Variants in ARID1B observed in about 807,000 individuals in gnomAD.
ARID1B encodes the protein AT-rich interaction domain 1B, also known as AT-rich interactive domain-containing protein 1B.
In ARID1B, 30 loss-of-function variants were observed where a neutral mutation model predicts 212.3. That is an observed-to-expected ratio of 0.14 (90% confidence interval 0.11 to 0.19). The LOEUF (loss-of-function observed/expected upper bound fraction) is 0.19. Ranked by LOEUF, ARID1B falls within the 10% of genes least tolerant of loss-of-function variation. The probability of loss-of-function intolerance (pLI) is 1.00; values close to 1 mark genes in which losing one functional copy is unlikely to be tolerated. For missense variants in ARID1B, 2,891 were observed against 3,204.0 expected (o/e 0.90, Z 2.36); for synonymous variants, 1,402 against 1,301.7 (o/e 1.08, Z -1.66).
intron 4 of ARID1B, among the ~76,000 whole-genome samples, chr6:156,985,962 T>G (rs774062339): frequency 3.5e-4 from 53 of 152,356 alleles, no homozygotes; most frequent in Non-Finnish European, 6.6e-4. Context: ...AGATGTAATG[T>G]CCTGTTGCAC....
At chr6:157,113,222 T>C (rs905129538) in intron 6 of ARID1B, among the ~76,000 whole-genome samples, 2 of 152,146 alleles carry the variant, frequency 1.3e-5, no homozygotes, top group Non-Finnish European at 2.9e-5. Context: ...CACCCGGCCA[T>C]GACCATTTCT....
intron 2 of ARID1B, among the ~76,000 whole-genome samples, chr6:156,834,420 T>C (rs568361069): frequency 6.6e-6 from 1 of 152,298 alleles, no homozygotes; most frequent in South Asian, 2.1e-4. Flanking sequence ...CTATATTTAC[T>C]TAAAGATGCC....
intron 16 of ARID1B, 165 bp from the exon 17 acceptor site, chr6:157,198,646 C>G (rs1793901673): frequency 3.5e-6 from 2 of 573,974 alleles, no homozygotes; most frequent in African/African-American, 3.7e-5. Flanking sequence ...CTGGTGCTAA[C>G]AGTTGGCGTG....
chr6:157,198,552 C>T, intron 16 of ARID1B: 2 of 465,944 alleles, frequency 4.3e-6, no homozygotes, highest in Non-Finnish European at 7.8e-6. Context: ...TGCCTGCCTG[C>T]TCAACCGGTA....
chr6:156,846,541 C>T (rs538792733), intron 2 of ARID1B, among the ~76,000 whole-genome samples: 4 of 152,090 alleles, frequency 2.6e-5, no homozygotes, highest in South Asian at 4.2e-4. Context: ...CCGATCGGCA[C>T]GTTGTGTGTG....
At chr6:157,192,014 C>T (rs943222555) in intron 15 of ARID1B, among the ~76,000 whole-genome samples, 2 of 152,156 alleles carry the variant, frequency 1.3e-5, no homozygotes, top group Non-Finnish European at 2.9e-5. Context: ...ATTTCATGTA[C>T]AACATTTCAG....
Position 157,074,337 on chromosome 6 carries a change from G to A in ARID1B, c.2248-10325G>A, listed in dbSNP as rs138616219. Among the ~76,000 whole-genome samples the A allele has an allele frequency of 8.9e-3, 1,360 of 152,098 alleles. 9 individuals carry two copies. Among genetic ancestry groups the A allele is most frequent in the Non-Finnish European group, 0.015 (1,011 of 67,960 alleles). ...AGCCTCCGGGGTTCAAGCAATTCTCGTGCCTCAGCCTCCTGAGTAGCTGGG... is the reference window on the plus strand; with the variant it reads ...AGCCTCCGGGGTTCAAGCAATTCTCATGCCTCAGCCTCCTGAGTAGCTGGG... On this transcript the variant is annotated intron_variant, in intron 4 of 19. Coordinates refer to ENST00000636930, the MANE Select transcript of ARID1B (RefSeq NM_001374828.1).
At chr6:156,914,770 C>T (rs1790211268) in intron 3 of ARID1B, among the ~76,000 whole-genome samples, 1 of 152,200 alleles carries the variant, frequency 6.6e-6, no homozygotes, top group South Asian at 2.1e-4. Context: ...GGGCCTCTGG[C>T]CACCCAGCCC....
chr6:157,122,255 C>T (rs543156678), intron 6 of ARID1B, among the ~76,000 whole-genome samples: 13 of 152,234 alleles, frequency 8.5e-5, no homozygotes, highest in East Asian at 3.9e-4. Flanking sequence ...CCTAGACTTA[C>T]GCGAACACTG....
intron 2 of ARID1B, among the ~76,000 whole-genome samples, chr6:156,872,845 A>G (rs1786253691): frequency 6.6e-6 from 1 of 151,972 alleles, no homozygotes; most frequent in African/African-American, 2.4e-5. Context: ...TCATCCTTCC[A>G]CATAGGTTGT....
intron 15 of ARID1B, 27 bp from the exon 16 acceptor site, chr6:157,196,136 ATG>A: frequency 6.2e-7 from 1 of 1,609,802 alleles, no homozygotes; most frequent in East Asian, 2.2e-5. Context: ...AAATGCCTAA[ATG>A]TATGCATTTT....
At chr6:156,984,405 C>T (rs777920267) in intron 4 of ARID1B, among the ~76,000 whole-genome samples, 1 of 152,050 alleles carries the variant, frequency 6.6e-6, no homozygotes, top group Non-Finnish European at 1.5e-5. Flanking sequence ...TTTTAAGGTA[C>T]CAGAATACTG....
At chr6:156,962,255 C>T (rs544939016) in intron 4 of ARID1B, among the ~76,000 whole-genome samples, 7 of 152,140 alleles carry the variant, frequency 4.6e-5, no homozygotes, top group South Asian at 4.1e-4. Flanking sequence ...GCTGAGATCA[C>T]GCCACTGCAC....
At chr6:157,182,511 G>A (rs1018857026) in intron 12 of ARID1B, among the ~76,000 whole-genome samples, 12 of 152,224 alleles carry the variant, frequency 7.9e-5, no homozygotes, top group Non-Finnish European at 1.5e-4. Context: ...GGCGCCCTGC[G>A]CCCCACCAAG....
At chr6:157,127,103 C>T (rs771825317) in intron 6 of ARID1B, among the ~76,000 whole-genome samples, 4 of 152,180 alleles carry the variant, frequency 2.6e-5, no homozygotes, top group Non-Finnish European at 5.9e-5. Context: ...GAACTACCTT[C>T]GAAATAAATA....
chr6:157,111,168 T>G (rs1786888026), intron 6 of ARID1B: 1 of 152,978 alleles, frequency 6.5e-6, no homozygotes, highest in African/African-American at 2.4e-5. Context: ...TCCAGAAACC[T>G]TTGGAGAGAA....
chr6:157,041,562 G>T (rs561356290), intron 4 of ARID1B, among the ~76,000 whole-genome samples: 2 of 152,170 alleles, frequency 1.3e-5, no homozygotes, highest in Admixed American at 1.3e-4. Context: ...TGATTAGGTG[G>T]CTAAGTCCAG....
At chr6:156,898,309 A>G (rs1788649893) in intron 2 of ARID1B, among the ~76,000 whole-genome samples, 1 of 152,204 alleles carries the variant, frequency 6.6e-6, no homozygotes, top group Admixed American at 6.5e-5. Flanking sequence ...AGTGAAGCTC[A>G]GGTGCTTTCC....
At chr6:156,890,016 T>A (rs912745435) in intron 2 of ARID1B, among the ~76,000 whole-genome samples, 2 of 152,184 alleles carry the variant, frequency 1.3e-5, no homozygotes, top group Non-Finnish European at 2.9e-5. Flanking sequence ...TAGCCTGGAC[T>A]GGAAATATAA....
Sources: allele counts gnomAD v4.1 joint callset (sites outside exome capture counted in the v4.1 genomes callset), GRCh38; gene constraint gnomAD v4.1.1; transcripts MANE v1.5; gene names NCBI Gene and HGNC (gene_info 2026-07-23, HGNC 2026-07-21).